Variants in STPG2 observed in about 807,000 individuals in gnomAD.
The protein encoded by STPG2 is sperm-tail PG-rich repeat-containing protein 2.
Under a neutral mutation model 54.2 loss-of-function variants are expected in STPG2, and 56 were observed. The ratio of observed to expected loss-of-function variants is 1.03; its 90% CI spans 0.83 to 1.29. The LOEUF is 1.29. STPG2 is among the 50% of genes most tolerant of loss of function. STPG2 has a pLI of 0.00. For missense variants in STPG2, 596 were observed against 544.9 expected (o/e 1.09, Z -0.93); for synonymous variants, 200 against 181.8 (o/e 1.10, Z -0.81).
At chr4:97,819,404 T>G (rs1728014739) in intron 9 of STPG2, among the ~76,000 whole-genome samples, 1 of 152,106 alleles carries the variant, frequency 6.6e-6, no homozygotes, top group Admixed American at 6.6e-5. Flanking sequence ...AAAACTACCT[T>G]CATGAGATAT....
rs986148808 is a variant in STPG2, at chr4:97,511,633, A to G, written c.462+201066T>C. Among the ~76,000 whole-genome samples the G allele has an allele frequency of 5.1e-4, 78 of 152,128 alleles. 1 individual carries two copies. Among genetic ancestry groups the G allele is most frequent in the Admixed American group, 6.6e-4 (10 of 15,258 alleles). ...AACCAACTTTATTTAATTGGTATAT[A>G]TAAAACATCGTTATGCACAATACCT... is the stretch of plus-strand genomic sequence containing the variant. On this transcript the variant is annotated intron_variant, in intron 4 of 4. Coordinates refer to the STPG2 transcript ENST00000522676.
intron 5 of STPG2, among the ~76,000 whole-genome samples, chr4:98,097,150 T>C (rs1738886243): frequency 6.6e-6 from 1 of 152,118 alleles, no homozygotes; most frequent in Non-Finnish European, 1.5e-5. Flanking sequence ...GATACCAAAA[T>C]CAGACAAGGA....
chr4:97,586,976 A>G (rs565159463), intron 10 of STPG2, among the ~76,000 whole-genome samples: 3 of 152,086 alleles, frequency 2.0e-5, no homozygotes, highest in Non-Finnish European at 2.9e-5. Flanking sequence ...AACAAAAATT[A>G]TAACAAATAT....
chr4:97,610,382 C>T (rs944638383), intron 10 of STPG2, among the ~76,000 whole-genome samples: 2 of 151,976 alleles, frequency 1.3e-5, no homozygotes, highest in African/African-American at 4.8e-5. Flanking sequence ...GTGTTCTGTG[C>T]AACTCAAAGC....
At chr4:97,919,801 C>CT in intron 8 of STPG2, among the ~76,000 whole-genome samples, 1 of 152,160 alleles carries the variant, frequency 6.6e-6, no homozygotes, top group African/African-American at 2.4e-5. Context: ...GGGGGATACT[C>CT]TTTTTTAAGA....
intron 10 of STPG2, among the ~76,000 whole-genome samples, chr4:97,697,832 C>T (rs1196932675): frequency 6.6e-6 from 1 of 152,192 alleles, no homozygotes; most frequent in Non-Finnish European, 1.5e-5. Context: ...GTTATCTGTG[C>T]CTTAAGGACA....
At chr4:97,963,419 G>A (rs779029920) in intron 7 of STPG2, among the ~76,000 whole-genome samples, 2 of 152,100 alleles carry the variant, frequency 1.3e-5, no homozygotes, top group Non-Finnish European at 2.9e-5. Flanking sequence ...TGCTTTGGGA[G>A]GCAGAGGCAG....
intron 4 of STPG2, among the ~76,000 whole-genome samples, chr4:97,467,570 A>T (rs1408085615): frequency 1.3e-5 from 2 of 151,968 alleles, no homozygotes; most frequent in Non-Finnish European, 2.9e-5. Context: ...AGGCACATTA[A>T]TAATAAAGTG....
At chr4:98,096,405 G>GA (rs59366253) in intron 5 of STPG2, among the ~76,000 whole-genome samples, 8 of 150,482 alleles carry the variant, frequency 5.3e-5, no homozygotes, top group African/African-American at 1.7e-4. Context: ...CTCAAAAAAA[G>GA]AAAAAAAAAA....
At chr4:98,130,187 A>G (rs1430558284) in intron 2 of STPG2, among the ~76,000 whole-genome samples, 1 of 142,312 alleles carries the variant, frequency 7.0e-6, no homozygotes, top group Non-Finnish European at 1.5e-5. Context: ...TAATTTTTGG[A>G]GGGCGGGGGA....
rs1262521825 is a variant in STPG2 at position 97,742,652 on chromosome 4, A to G, written c.1205-29838T>C. 2.6e-5 allele frequency among the ~76,000 whole-genome samples: 4 copies of G among 151,116 alleles called. No homozygotes were observed. In the Admixed American group the frequency reaches 2.7e-4, roughly 10 times the overall value. ...GATGAAACTGAAGGACATTATTCCA[A>G]ATAATGTTATCTGGTCACAGAAAAG... On this transcript the variant is annotated intron_variant, in intron 9 of 10. Coordinates refer to ENST00000295268, the MANE Select transcript of STPG2 (RefSeq NM_174952.3).
intron 10 of STPG2, among the ~76,000 whole-genome samples, chr4:97,695,052 C>T (rs1218895061): frequency 1.3e-5 from 2 of 149,630 alleles, no homozygotes; most frequent in African/African-American, 4.9e-5. Flanking sequence ...AAACTATAGA[C>T]CAATGTCCCT....
chr4:97,954,221 A>C (rs947499103), intron 7 of STPG2, among the ~76,000 whole-genome samples: 3 of 152,190 alleles, frequency 2.0e-5, no homozygotes, highest in Admixed American at 6.5e-5. Flanking sequence ...ACAAGATCCT[A>C]TTTTTAAAGA....
In STPG2 at chr4:97,616,057, AATATATATAT is replaced by A. The variant is rs70953077; in HGVS notation, c.1321-56950_1321-56941del. The stretch of plus-strand genomic sequence containing the variant: ...GTCTCAAAAAAAAAAAATACATATA[AATATATATAT>A]ATATATATATATATATATATATATA... On this transcript the variant is annotated intron_variant, in intron 10 of 10. Coordinates refer to ENST00000295268, the MANE Select transcript of STPG2 (RefSeq NM_174952.3). Among the ~76,000 whole-genome samples, 225 of 37,396 alleles carry A rather than the reference AATATATATAT, an allele frequency of 6.0e-3. 16 individuals are homozygous for A. The East Asian group carries it at 0.092, about 15-fold the overall frequency. 24.5% of individuals were successfully genotyped at this position (37,396 alleles called of 152,430 possible). A position where few individuals can be genotyped will look rare whatever the true frequency, so the allele number is the denominator to read the frequency against.
intron 5 of STPG2, 108 bp downstream of exon 5, chr4:98,105,845 G>A (rs547824144): frequency 7.6e-5 from 70 of 922,514 alleles, no homozygotes; most frequent in Admixed American, 2.5e-4. Context: ...ATTGAATGAC[G>A]ATTAGCTATC....
chr4:97,697,383 T>C (rs1238670367), intron 10 of STPG2, among the ~76,000 whole-genome samples: 4 of 152,186 alleles, frequency 2.6e-5, no homozygotes, highest in African/African-American at 9.7e-5. Flanking sequence ...CTGACCTTAA[T>C]GCCAGGAACT....
At chr4:97,851,737 A>G (rs1195545324) in intron 8 of STPG2, among the ~76,000 whole-genome samples, 1 of 152,190 alleles carries the variant, frequency 6.6e-6, no homozygotes, top group Non-Finnish European at 1.5e-5. Context: ...TTAATATTTA[A>G]TGTGAGATGC....
At chr4:97,982,185 T>A (rs1014546123) in intron 5 of STPG2, among the ~76,000 whole-genome samples, 1 of 152,094 alleles carries the variant, frequency 6.6e-6, no homozygotes, top group African/African-American at 2.4e-5. Context: ...TTGTATAATC[T>A]TTTTAACTTT....
intron 10 of STPG2, among the ~76,000 whole-genome samples, chr4:97,645,056 A>T (rs1010187823): frequency 2.0e-5 from 3 of 152,040 alleles, no homozygotes; most frequent in Non-Finnish European, 4.4e-5. Context: ...TAAACGTACA[A>T]TTATGAAATT....
Sources: gnomAD v4.1 joint callset for allele counts (sites outside exome capture counted in the v4.1 genomes callset) on GRCh38, gnomAD v4.1.1 for gene constraint, MANE v1.5 for transcripts, NCBI Gene and HGNC (gene_info 2026-07-23, HGNC 2026-07-21) for gene names.